Variants in MGMT observed in about 807,000 individuals in gnomAD.
The protein encoded by MGMT is methylated-DNA--protein-cysteine methyltransferase.
In MGMT, 14 loss-of-function variants were observed where a neutral mutation model predicts 15.9. The ratio of observed to expected loss-of-function variants is 0.88; its 90% CI spans 0.58 to 1.37. MGMT has a LOEUF of 1.37. MGMT is among the 40% of genes most tolerant of loss of function. MGMT has a pLI of 0.00. For synonymous variants in MGMT, 130 were observed against 118.2 expected, an observed-to-expected ratio of 1.10 and a Z score of -0.65; for missense variants, 282 against 268.1, an observed-to-expected ratio of 1.05 and a Z score of -0.36.
chr10:129,637,383 G>A (rs1008935466), intron 2 of MGMT, among the ~76,000 whole-genome samples: 33 of 152,302 alleles, frequency 2.2e-4, no homozygotes, highest in Admixed American at 1.3e-3. Flanking sequence ...GAGTAATGGA[G>A]ACGACTTGGG....
intron 3 of MGMT, among the ~76,000 whole-genome samples, chr10:129,741,542 C>T (rs1329697294): frequency 3.3e-5 from 5 of 152,150 alleles, no homozygotes; most frequent in East Asian, 1.9e-4. Flanking sequence ...GCTGTGTGGT[C>T]GGCCTTGATG....
At chr10:129,656,770 G>A (rs1462364943) in intron 2 of MGMT, among the ~76,000 whole-genome samples, 1 of 152,076 alleles carries the variant, frequency 6.6e-6, no homozygotes, top group Non-Finnish European at 1.5e-5. Context: ...AATCAGAGAT[G>A]TCTTTCTCTC....
chr10:129,556,609 C>T lies in MGMT; in HGVS notation c.125+20232C>T, dbSNP rs1213476693. Among the ~76,000 whole-genome samples, 2 of 152,190 alleles carry T rather than the reference C, an allele frequency of 1.3e-5. No individual in the cohort carries two copies. The highest frequency in any genetic ancestry group is 2.9e-5 in the Non-Finnish European group (2 of 68,042). ...CTTTACCGTCTTGCTGCAGCGGGAA[C>T]GTCCTGCTGTAGAAGAGGCGCCGCC... On this transcript the variant is annotated intron_variant, in intron 2 of 4. Transcript: ENST00000651593. The surrounding 1 kb of genome is among the most constrained non-coding windows in gnomAD (Gnocchi z 4.3).
intron 1 of MGMT, among the ~76,000 whole-genome samples, chr10:129,517,992 A>C (rs1418190944): frequency 6.6e-6 from 1 of 152,048 alleles, no homozygotes; most frequent in Non-Finnish European, 1.5e-5. Flanking sequence ...TGCCTGCCTT[A>C]TTTGGAGATA....
intron 1 of MGMT, among the ~76,000 whole-genome samples, chr10:129,524,685 G>A (rs1330464195): frequency 3.4e-5 from 5 of 145,834 alleles, no homozygotes; most frequent in Non-Finnish European, 6.0e-5. Context: ...TCCGCCTCCC[G>A]GGTTCACGCC....
At position 129,625,774 on chromosome 10, in the gene MGMT, C is replaced by T. The variant is rs963169903; in HGVS notation, c.126-82121C>T. Among the ~76,000 whole-genome samples the T allele has an allele frequency of 5.3e-5, 8 of 152,254 alleles. No individual in the cohort carries two copies. In the East Asian group the frequency reaches 7.7e-4, roughly 15 times the overall value. On this transcript the variant is annotated intron_variant, in intron 2 of 4. Coordinates refer to ENST00000651593, the MANE Select transcript of MGMT (RefSeq NM_002412.5). ...GCATGTATGTGTGTGTACACGTGTG[C>T]ACCTGTGGTTTTCTCTCCATGTTTC...
chr10:129,581,536 A>G (rs1846555392), intron 2 of MGMT, among the ~76,000 whole-genome samples: 1 of 152,214 alleles, frequency 6.6e-6, no homozygotes, highest in Non-Finnish European at 1.5e-5. Flanking sequence ...AACAAACTAG[A>G]GATGATGCAG....
intron 3 of MGMT, among the ~76,000 whole-genome samples, chr10:129,735,304 A>G (rs111406286): frequency 2.2e-4 from 34 of 151,646 alleles, no homozygotes; most frequent in Non-Finnish European, 5.9e-5. Context: ...TGTATGTGTC[A>G]AGGAATTTAT....
At chr10:129,743,328 G>T (rs1314768126) in intron 3 of MGMT, among the ~76,000 whole-genome samples, 1 of 152,248 alleles carries the variant, frequency 6.6e-6, no homozygotes, top group Non-Finnish European at 1.5e-5. Context: ...CCCACGTTGA[G>T]TTGGGGCTTT....
At chr10:129,715,889 G>GAATATA (rs1848289288) in intron 3 of MGMT, among the ~76,000 whole-genome samples, 1 of 152,168 alleles carries the variant, frequency 6.6e-6, no homozygotes, top group African/African-American at 2.4e-5. Context: ...TAAGATTCAT[G>GAATATA]AGTCTCTGTC....
chr10:129,744,123 AGTG>A (rs1202427916), intron 3 of MGMT, among the ~76,000 whole-genome samples: 3 of 152,230 alleles, frequency 2.0e-5, no homozygotes, highest in Non-Finnish European at 4.4e-5. Context: ...AAAACCAGGC[AGTG>A]GTGGTGTCCT....
chr10:129,524,920 A>G (rs777249200), intron 1 of MGMT, among the ~76,000 whole-genome samples: 2 of 152,134 alleles, frequency 1.3e-5, no homozygotes, highest in Non-Finnish European at 1.5e-5. Context: ...TCATCTTGAC[A>G]GTGTTCTGGT....
At chr10:129,553,900 G>A (rs1013752554) in intron 2 of MGMT, among the ~76,000 whole-genome samples, 4 of 152,200 alleles carry the variant, frequency 2.6e-5, no homozygotes, top group Non-Finnish European at 5.9e-5. Flanking sequence ...TGTGAGAAGC[G>A]TAGGCCTACT....
intron 2 of MGMT, among the ~76,000 whole-genome samples, chr10:129,571,720 G>A (rs1212997317): frequency 6.6e-6 from 1 of 152,152 alleles, no homozygotes; most frequent in Non-Finnish European, 1.5e-5. Flanking sequence ...AAATGTTTTA[G>A]GGAACCTTGT....
At chr10:129,742,851 C>G (rs927023338) in intron 3 of MGMT, among the ~76,000 whole-genome samples, 1 of 150,520 alleles carries the variant, frequency 6.6e-6, no homozygotes, top group Non-Finnish European at 1.5e-5. Flanking sequence ...CAGTGCCGCA[C>G]GACTGCAGTG....
chr10:129,519,687 A>G (rs542283312), intron 1 of MGMT, among the ~76,000 whole-genome samples: 36 of 152,282 alleles, frequency 2.4e-4, no homozygotes, highest in African/African-American at 7.7e-4. Context: ...TCATGCAAGA[A>G]TTCTTCCCTG....
chr10:129,762,728 A>G (rs1737614816), intron 4 of MGMT, among the ~76,000 whole-genome samples: 1 of 152,158 alleles, frequency 6.6e-6, no homozygotes, highest in South Asian at 2.1e-4. Flanking sequence ...GAGTTAGTTT[A>G]TTCACGGATT....
At chr10:129,560,764 A>G (rs1292301630) in intron 2 of MGMT, among the ~76,000 whole-genome samples, 1 of 152,116 alleles carries the variant, frequency 6.6e-6, no homozygotes, top group Non-Finnish European at 1.5e-5. Context: ...TAGACAGATT[A>G]TTTTCATTCA....
In MGMT at chr10:129,469,376, G is replaced by A. The variant is rs189851765; in HGVS notation, c.-13+2080G>A. Among the ~76,000 whole-genome samples, 354 of 152,216 alleles carry A rather than the reference G, an allele frequency of 2.3e-3. 2 individuals are homozygous for A. The highest frequency in any genetic ancestry group is 8.2e-3 in the African/African-American group (342 of 41,528). On this transcript the variant is annotated intron_variant, in intron 1 of 4. Transcript: ENST00000651593. Reference sequence around the variant, plus strand: ...CTTTTTGGTGCTAATGCTCTTTTCAGTATATTCTCTTTGATAGAAAAAAAA... The same window carrying A: ...CTTTTTGGTGCTAATGCTCTTTTCAATATATTCTCTTTGATAGAAAAAAAA...
Sources: gnomAD v4.1 joint callset for allele counts (sites outside exome capture counted in the v4.1 genomes callset) on GRCh38, gnomAD v4.1.1 for gene constraint, Gnocchi (gnomAD v3.1) non-coding constraint, MANE v1.5 for transcripts, NCBI Gene and HGNC (gene_info 2026-07-23, HGNC 2026-07-21) for gene names.